The following TLK2 variants were observed in gnomAD, a reference collection of about 807,000 sequenced individuals.
TLK2 encodes tousled like kinase 2, also known as serine/threonine-protein kinase tousled-like 2.
TLK2 carries 6 observed loss-of-function variants against 117.3 expected under a neutral mutation model. The ratio of observed to expected loss-of-function variants is 0.05; its 90% CI spans 0.03 to 0.10. The LOEUF (loss-of-function observed/expected upper bound fraction) is 0.10. Among genes scored for constraint, TLK2 ranks in the 10% least tolerant of loss-of-function variants. The pLI is 1.00. For missense variants in TLK2, 299 were observed against 901.2 expected (o/e 0.33, Z 8.56); for synonymous variants, 257 against 316.7 (o/e 0.81, Z 2.00).
intron 12 of TLK2, among the ~76,000 whole-genome samples, chr17:62,574,733 C>A (rs1433327308): frequency 6.6e-6 from 1 of 152,102 alleles, no homozygotes; most frequent in East Asian, 1.9e-4. Context: ...CCAGGCTGGT[C>A]TTGAACTCCT....
intron 7 of TLK2, among the ~76,000 whole-genome samples, chr17:62,546,373 G>T: frequency 1.1e-4 from 1 of 8,940 alleles, no homozygotes; most frequent in South Asian, 6.9e-3. Flanking sequence ...ATAATGAAAA[G>T]GGTTTTTTAT....
chr17:62,548,940 C>A (rs556024335), intron 7 of TLK2, among the ~76,000 whole-genome samples: 1 of 150,606 alleles, frequency 6.6e-6, no homozygotes, highest in Admixed American at 6.6e-5. Flanking sequence ...AGGGTTTCAC[C>A]ATGTTGGCCA....
chr17:62,545,580 G>T (rs982953246), intron 7 of TLK2, among the ~76,000 whole-genome samples: 3 of 152,082 alleles, frequency 2.0e-5, no homozygotes, highest in Admixed American at 6.6e-5. Flanking sequence ...TTGTGCCATT[G>T]CGCTCCAGCC....
chr17:62,613,850 G>C lies in TLK2; in HGVS notation c.*1285G>C, dbSNP rs983492965. ...AAAAGAAATAGATATTTCAGGCCGG[G>C]CCTGGTGGTTCACGCCTGTAATCCC... On this transcript the variant is annotated 3_prime_UTR_variant, in exon 22 of 22. Transcript: ENST00000346027. 34 of 152,158 alleles carry C rather than the reference G, an allele frequency of 2.2e-4. No individual in the cohort carries two copies. Among genetic ancestry groups the C allele is most frequent in the African/African-American group, 8.2e-4 (34 of 41,430 alleles). 9.4% of individuals were successfully genotyped at this position (152,158 alleles called of 1,614,324 possible).
At chr17:62,598,490 G>A (rs1374161395) in intron 17 of TLK2, among the ~76,000 whole-genome samples, 1 of 151,870 alleles carries the variant, frequency 6.6e-6, no homozygotes, top group South Asian at 2.1e-4. Flanking sequence ...TAAAAGTGAG[G>A]CTTTATTTTC....
chr17:62,559,575 A>C (rs2079108506), intron 9 of TLK2, among the ~76,000 whole-genome samples: 1 of 151,910 alleles, frequency 6.6e-6, no homozygotes, highest in Non-Finnish European at 1.5e-5. Flanking sequence ...ATGGGGTTTG[A>C]CCACGCAGGC....
At chr17:62,541,818 G>A (rs2077556441) in intron 7 of TLK2, among the ~76,000 whole-genome samples, 1 of 151,656 alleles carries the variant, frequency 6.6e-6, no homozygotes, top group African/African-American at 2.4e-5. Flanking sequence ...CTCCAGCCTG[G>A]GTGACAAAGT....
At chr17:62,527,084 A>G (rs1463989070) in intron 6 of TLK2, among the ~76,000 whole-genome samples, 2 of 152,140 alleles carry the variant, frequency 1.3e-5, no homozygotes, top group African/African-American at 4.8e-5. Flanking sequence ...GCTCTGTGAA[A>G]AACGCTTTTG....
chr17:62,605,430 T>C (rs1362632709), intron 19 of TLK2, among the ~76,000 whole-genome samples: 1 of 152,134 alleles, frequency 6.6e-6, no homozygotes, highest in Admixed American at 6.6e-5. Context: ...TGGAGTGCAG[T>C]GGCATGATCT....
rs762409167 is a variant in TLK2, at chr17:62,481,226, T to C, written c.81+20T>C. 6.2e-7 allele frequency: 1 copy of C among 1,613,072 alleles called. No individual in the cohort carries two copies. The highest frequency in any genetic ancestry group is 8.5e-7 in the Non-Finnish European group (1 of 1,179,130). ...AGTAAGGTGAGTAAAATGATGATCA[T>C]GAACACTATTCATATTCTAATTTAA... is the stretch of plus-strand genomic sequence containing the variant. On this transcript the variant is annotated intron_variant, in intron 2 of 21. Transcript: ENST00000346027.
At chr17:62,488,976 C>T (rs2072797718) in intron 2 of TLK2, among the ~76,000 whole-genome samples, 1 of 151,672 alleles carries the variant, frequency 6.6e-6, no homozygotes, top group Non-Finnish European at 1.5e-5. Flanking sequence ...CAGGCACACA[C>T]CACCACACTT....
chr17:62,514,842 G>T (rs1433170911), intron 2 of TLK2, among the ~76,000 whole-genome samples: 2 of 152,162 alleles, frequency 1.3e-5, no homozygotes, highest in Non-Finnish European at 2.9e-5. Context: ...GCCTCCCAAA[G>T]TGCTGGGCTT....
upstream of TLK2, among the ~76,000 whole-genome samples, chr17:62,476,331 C>G (rs555532254): frequency 2.0e-5 from 3 of 151,930 alleles, no homozygotes; most frequent in South Asian, 6.3e-4. Flanking sequence ...TGCCTGTAAT[C>G]ACAGCACTTT....
intron 1 of TLK2, among the ~76,000 whole-genome samples, chr17:62,479,854 T>TAAAC (rs2071408946): frequency 6.6e-6 from 1 of 152,194 alleles, no homozygotes; most frequent in South Asian, 2.1e-4. Flanking sequence ...ACCTTGGGGT[T>TAAAC]TGGGAGAGAC....
intron 2 of TLK2, among the ~76,000 whole-genome samples, chr17:62,489,767 A>G (rs1170275495): frequency 2.6e-5 from 4 of 152,208 alleles, no homozygotes; most frequent in African/African-American, 4.8e-5. Flanking sequence ...CTTTGTTACA[A>G]TTGATGATAC....
chr17:62,508,607 G>A, intron 2 of TLK2: 3 of 946,962 alleles, frequency 3.2e-6, no homozygotes, highest in Non-Finnish European at 3.8e-6. Flanking sequence ...TTAGTTATAT[G>A]AAAGTCTCAA....
intron 7 of TLK2, chr17:62,551,892 G>A (rs949784724): frequency 6.7e-5 from 16 of 237,954 alleles, no homozygotes; most frequent in Admixed American, 3.1e-4. Context: ...TGTGTGTTTA[G>A]GAGACTATTC....
At chr17:62,542,390 A>G (rs796450843) in intron 7 of TLK2, among the ~76,000 whole-genome samples, 8 of 152,332 alleles carry the variant, frequency 5.3e-5, no homozygotes, top group African/African-American at 1.9e-4. Context: ...TAGAGGCTTG[A>G]GCCACTGTAC....
At position 62,536,221 on chromosome 17, in the gene TLK2, G is replaced by T. The variant is rs770033785; in HGVS notation, c.415G>T (p.Ala139Ser). The T allele has an allele frequency of 6.2e-7, 1 of 1,612,790 alleles. No homozygotes were observed. The highest frequency in any genetic ancestry group is 1.1e-5 in the South Asian group (1 of 91,012). ...YGLDGSAAKEATEEQSALPTL... is the reference protein window; with the variant it reads ...YGLDGSAAKESTEEQSALPTL... Reference sequence around the variant, plus strand: ...TTTAGATGGCAGTGCTGCAAAGGAGGCAACGGAGGAGCAGTCTGCTCTGCC... The same window carrying T: ...TTTAGATGGCAGTGCTGCAAAGGAGTCAACGGAGGAGCAGTCTGCTCTGCC... Residue 139 changes from alanine to serine, a missense_variant, in exon 7 of 22, where the codon GCA becomes TCA. Ala to Ser is a moderately conservative substitution (Grantham distance 99, BLOSUM62 1). Around this residue, in one of 4 missense-constraint regions of TLK2, gnomAD observed 105 missense variants for 218.4 expected, o/e 0.48. Transcript: ENST00000346027.
Sources: gnomAD v4.1 joint callset for allele counts (sites outside exome capture counted in the v4.1 genomes callset) on GRCh38, gnomAD v4.1.1 for gene constraint, gnomAD v4.1.1 regional missense constraint, MANE v1.5 for transcripts, NCBI Gene and HGNC (gene_info 2026-07-23, HGNC 2026-07-21) for gene names.